The following RANBP2 variants were observed in gnomAD, a reference collection of about 807,000 sequenced individuals.
RANBP2 encodes RAN binding protein 2.
In RANBP2, 57 loss-of-function variants were observed where a neutral mutation model predicts 303.6. The ratio of observed to expected loss-of-function variants is 0.19; its 90% CI spans 0.15 to 0.23. The LOEUF (loss-of-function observed/expected upper bound fraction) is 0.23. RANBP2 is among the 10% of genes least tolerant of loss of function. The pLI is 1.00. For missense variants in RANBP2, 3,138 were observed against 3,780.8 expected (o/e 0.83, Z 4.46); for synonymous variants, 1,167 against 1,301.5 (o/e 0.90, Z 2.23).
the RANBP2 span, among the ~76,000 whole-genome samples, chr2:109,393,431 C>T: frequency 1.1e-4 from 16 of 152,312 alleles, no homozygotes; most frequent in Admixed American, 9.8e-4. Flanking sequence ...CCTATTGAGC[C>T]GGAGTTGGCC....
At chr2:109,484,945 T>TA in the RANBP2 span, among the ~76,000 whole-genome samples, 1 of 152,248 alleles carries the variant, frequency 6.6e-6, no homozygotes, top group East Asian at 1.9e-4. Flanking sequence ...CTGGTGGAGT[T>TA]AAAGTGTACG....
the RANBP2 span, among the ~76,000 whole-genome samples, chr2:109,032,925 A>G: frequency 2.0e-5 from 3 of 152,200 alleles, no homozygotes; most frequent in Non-Finnish European, 4.4e-5. Context: ...ACCAGGAGCT[A>G]ATTTTCCCTG....
At chr2:108,832,355 T>C in the RANBP2 span, among the ~76,000 whole-genome samples, 1 of 149,048 alleles carries the variant, frequency 6.7e-6, no homozygotes, top group Non-Finnish European at 1.5e-5. Context: ...TTTTTTTTTT[T>C]TTTTTTTTTG....
At chr2:109,046,901 C>T in the RANBP2 span, among the ~76,000 whole-genome samples, 5 of 152,160 alleles carry the variant, frequency 3.3e-5, no homozygotes, top group Middle Eastern at 3.4e-3. Flanking sequence ...TGACCCCAAC[C>T]CCTGCCGGCT....
chr2:109,163,390 CTT>C, the RANBP2 span, among the ~76,000 whole-genome samples: 9 of 70,268 alleles, frequency 1.3e-4, no homozygotes, highest in Admixed American at 2.3e-4. Flanking sequence ...AGCAAATATT[CTT>C]TTTTTTTTTT....
the RANBP2 span, among the ~76,000 whole-genome samples, chr2:108,908,536 C>G: frequency 5.3e-5 from 8 of 152,052 alleles, no homozygotes; most frequent in Non-Finnish European, 7.4e-5. Flanking sequence ...AGGGGGGTGA[C>G]CTGGCTGACC....
chr2:108,862,615 A>G, the RANBP2 span, among the ~76,000 whole-genome samples: 1 of 152,224 alleles, frequency 6.6e-6, no homozygotes, highest in Admixed American at 6.5e-5. Flanking sequence ...TGATTTAGCC[A>G]TTCCACAATG....
At chr2:109,510,034 G>A in the RANBP2 span, among the ~76,000 whole-genome samples, 1 of 152,202 alleles carries the variant, frequency 6.6e-6, no homozygotes, top group African/African-American at 2.4e-5. Context: ...GTCTTATCTG[G>A]ACCTCCACAC....
the RANBP2 span, among the ~76,000 whole-genome samples, chr2:109,081,474 A>T: frequency 4.6e-5 from 7 of 152,044 alleles, no homozygotes; most frequent in Non-Finnish European, 1.0e-4. Context: ...TCTGTGGCTG[A>T]CTCAATGCTG....
chr2:109,734,123 A>T, the RANBP2 span, among the ~76,000 whole-genome samples: 1 of 151,460 alleles, frequency 6.6e-6, no homozygotes, highest in Non-Finnish European at 1.5e-5. Flanking sequence ...AGGTTCCAGT[A>T]AGCTGAGATC....
the RANBP2 span, among the ~76,000 whole-genome samples, chr2:109,469,891 A>G: frequency 6.6e-6 from 1 of 152,180 alleles, no homozygotes; most frequent in East Asian, 1.9e-4. Flanking sequence ...AACCTCAGAC[A>G]TTCTTCTGTG....
chr2:108,958,386 T>G, the RANBP2 span, among the ~76,000 whole-genome samples: 6 of 128,340 alleles, frequency 4.7e-5, no homozygotes, highest in African/African-American at 2.2e-4. Flanking sequence ...TTAATAACCA[T>G]GAAATAGTTA....
At chr2:109,516,549 G>A in the RANBP2 span, among the ~76,000 whole-genome samples, 11 of 152,312 alleles carry the variant, frequency 7.2e-5, no homozygotes, top group Admixed American at 5.9e-4. Context: ...CAGGCAAGGC[G>A]GCTGTGAGGG....
chr2:109,000,585 G>A, the RANBP2 span, among the ~76,000 whole-genome samples: 1 of 152,202 alleles, frequency 6.6e-6, no homozygotes, highest in East Asian at 1.9e-4. Flanking sequence ...AAAAAGTAAA[G>A]CCTTAAAGCA....
the RANBP2 span, among the ~76,000 whole-genome samples, chr2:108,793,849 G>A: frequency 2.0e-5 from 3 of 151,474 alleles, no homozygotes; most frequent in African/African-American, 7.3e-5. Flanking sequence ...TGATCCGCCC[G>A]CCTCGGCCTC....
chr2:109,602,176 T>TGA, the RANBP2 span, among the ~76,000 whole-genome samples: 1 of 152,182 alleles, frequency 6.6e-6, no homozygotes, highest in Non-Finnish European at 1.5e-5. Context: ...GTAACAATTT[T>TGA]CTAAGATCCC....
the RANBP2 span, among the ~76,000 whole-genome samples, chr2:109,476,686 G>T: frequency 6.6e-6 from 1 of 152,210 alleles, no homozygotes; most frequent in Non-Finnish European, 1.5e-5. Flanking sequence ...AAAGAATTCA[G>T]GGTGAGTCTG....
the RANBP2 span, among the ~76,000 whole-genome samples, chr2:109,466,724 C>T: frequency 6.6e-6 from 1 of 152,072 alleles, no homozygotes; most frequent in Non-Finnish European, 1.5e-5. Context: ...CATTTGGGTC[C>T]ACAATTCATT....
chr2:109,222,678 T>A, the RANBP2 span, among the ~76,000 whole-genome samples: 17 of 152,342 alleles, frequency 1.1e-4, no homozygotes, highest in Non-Finnish European at 2.1e-4. Flanking sequence ...GGCCAGGCCT[T>A]CCCTGTACCT....
Sources: gnomAD v4.1 joint callset for allele counts (sites outside exome capture counted in the v4.1 genomes callset) on GRCh38, gnomAD v4.1.1 for gene constraint, MANE v1.5 for transcripts, NCBI Gene and HGNC (gene_info 2026-07-23, HGNC 2026-07-21) for gene names.